Variants in KLHL6 observed in about 807,000 individuals in gnomAD.
KLHL6 encodes kelch like family member 6, also known as kelch-like protein 6.
A neutral mutation model predicts 58.6 loss-of-function variants in KLHL6; 41 were observed. The ratio of observed to expected loss-of-function variants is 0.70; its 90% confidence interval spans 0.55 to 0.91. The LOEUF is 0.91. Ranked by LOEUF, KLHL6 falls within the 40% of genes least tolerant of loss-of-function variation. The pLI is 0.00. For missense variants in KLHL6, 714 were observed against 805.6 expected, an observed-to-expected ratio of 0.89 and a Z score of 1.38; for synonymous variants, 338 against 322.7, an observed-to-expected ratio of 1.05 and a Z score of -0.51.
intron 5 of KLHL6, chr3:183,493,674 TG>T (rs1460903138): frequency 2.0e-4 from 38 of 187,284 alleles, no homozygotes; most frequent in Non-Finnish European, 1.1e-5. Flanking sequence ...CAAATCACTC[TG>T]GGTTCATAAA....
intron 3 of KLHL6, among the ~76,000 whole-genome samples, chr3:183,502,752 T>C (rs1366174501): frequency 6.6e-6 from 1 of 152,182 alleles, no homozygotes; most frequent in Non-Finnish European, 1.5e-5. Context: ...TGCAACTTCA[T>C]AAGAGACCCT....
At chr3:183,509,478 G>C (rs1050702420) in intron 2 of KLHL6, among the ~76,000 whole-genome samples, 15 of 152,292 alleles carry the variant, frequency 9.8e-5, no homozygotes, top group Middle Eastern at 3.4e-3. Flanking sequence ...AATATTAATG[G>C]TTGTTATCTC....
At chr3:183,553,853 G>A (rs1222383268) in intron 1 of KLHL6, among the ~76,000 whole-genome samples, 2 of 152,024 alleles carry the variant, frequency 1.3e-5, no homozygotes, top group Non-Finnish European at 2.9e-5. Context: ...GCACACAGCA[G>A]CCACTGCTTC....
intron 1 of KLHL6, among the ~76,000 whole-genome samples, chr3:183,540,706 A>G (rs553108287): frequency 5.9e-5 from 9 of 152,060 alleles, no homozygotes; most frequent in Admixed American, 2.0e-4. Flanking sequence ...ACCCGGCCCC[A>G]TTGATGATTA....
rs1560089497 is a variant in KLHL6, at chr3:183,492,588, G to C, written c.1470C>G (p.Asp490Glu). ...KLATDKTQCY[D>E]PSTNKWSLKA... ...TCAAACTCCACTTGTTGGTGGAAGGGTCATAACACTGAGTCTTGTCTGTGG... is the reference window on the plus strand; with the variant it reads ...TCAAACTCCACTTGTTGGTGGAAGGCTCATAACACTGAGTCTTGTCTGTGG... Residue 490 changes from aspartate (D) to glutamate (E), a missense_variant, in exon 6 of 7, where the codon GAC (aspartate) becomes GAG (glutamate). Around this residue, in one of 2 missense-constraint regions of KLHL6, gnomAD observed 510 missense variants for 629.7 expected, o/e 0.81. Transcript: ENST00000341319. The surrounding 1 kb of genome is among the most constrained non-coding windows in gnomAD (Gnocchi z 5.9). 1.2e-6 allele frequency: 2 copies of C among 1,614,216 alleles called. No individual in the cohort carries two copies. Among genetic ancestry groups the C allele is most frequent in the Admixed American group, 1.7e-5 (1 of 60,030 alleles).
At chr3:183,511,932 G>A (rs1376169019) in intron 2 of KLHL6, among the ~76,000 whole-genome samples, 1 of 152,136 alleles carries the variant, frequency 6.6e-6, no homozygotes, top group Admixed American at 6.5e-5. Flanking sequence ...CCTACACAAT[G>A]CAAAGTTGCA....
chr3:183,516,155 G>C (rs909891543), intron 2 of KLHL6, among the ~76,000 whole-genome samples: 1 of 152,134 alleles, frequency 6.6e-6, no homozygotes, highest in Admixed American at 6.5e-5. Flanking sequence ...AGAGGCAGGT[G>C]GGGGATCTCC....
chr3:183,496,867 G>A (rs1375341235), intron 4 of KLHL6, among the ~76,000 whole-genome samples: 2 of 152,252 alleles, frequency 1.3e-5, no homozygotes, highest in African/African-American at 2.4e-5. Context: ...GCTGGGCACA[G>A]TGGCTCGCAC....
rs1239841306 is a variant in KLHL6, at chr3:183,555,397, T to C, written c.257A>G (p.His86Arg). Residue 86 changes from histidine to arginine, a missense_variant, in exon 1 of 7, where the codon CAC (histidine) becomes CGC (arginine). This residue lies in a region of KLHL6 where 204 missense variants were observed against 175.9 expected (regional missense o/e 1.16). Coordinates refer to ENST00000341319, the MANE Select transcript of KLHL6 (RefSeq NM_130446.4). Reference sequence around the variant, plus strand: ...GCTGGCTGCGGCAAGCACCACGCGGTGGCAGGAGAATTCCTGAATGTCCAC... The same window carrying C: ...GCTGGCTGCGGCAAGCACCACGCGGCGGCAGGAGAATTCCTGAATGTCCAC... ...LCVDIQEFSC[H>R]RVVLAAASNY... 3 of 1,614,150 alleles carry C rather than the reference T, an allele frequency of 1.9e-6. No homozygotes were observed. The highest frequency in any genetic ancestry group is 1.3e-5 in the African/African-American group (1 of 75,034).
At chr3:183,549,590 C>T (rs1712841867) in intron 1 of KLHL6, among the ~76,000 whole-genome samples, 2 of 152,210 alleles carry the variant, frequency 1.3e-5, no homozygotes, top group South Asian at 4.1e-4. Flanking sequence ...CTCACTGCAA[C>T]CTCCGCCTCC....
At chr3:183,503,599 G>C (rs1461301397) in intron 3 of KLHL6, among the ~76,000 whole-genome samples, 2 of 152,152 alleles carry the variant, frequency 1.3e-5, no homozygotes, top group African/African-American at 4.8e-5. Flanking sequence ...GACCAACATG[G>C]AGGAACCCCG....
At chr3:183,534,967 CAG>C (rs1255963762) in intron 1 of KLHL6, among the ~76,000 whole-genome samples, 1 of 132,306 alleles carries the variant, frequency 7.6e-6, no homozygotes, top group Non-Finnish European at 1.5e-5. Flanking sequence ...TTTTTTGAGA[CAG>C]AGTCTCTCTC....
chr3:183,507,627 G>T (rs1577182108), intron 3 of KLHL6, among the ~76,000 whole-genome samples: 1 of 152,082 alleles, frequency 6.6e-6, no homozygotes, highest in African/African-American at 2.4e-5. Flanking sequence ...TAGAGACAGG[G>T]TTTCACCATG....
chr3:183,508,001 C>A (rs1379814653), intron 3 of KLHL6, 58 bp downstream of exon 3: 4 of 1,467,884 alleles, frequency 2.7e-6, no homozygotes, highest in Non-Finnish European at 2.8e-6. Flanking sequence ...TCTCTGTGAG[C>A]CCCTAGCTAA....
At chr3:183,514,149 T>A (rs965401005) in intron 2 of KLHL6, among the ~76,000 whole-genome samples, 1 of 152,226 alleles carries the variant, frequency 6.6e-6, no homozygotes, top group Non-Finnish European at 1.5e-5. Context: ...GCGCCTGCGC[T>A]CATTGAAGCC....
intron 1 of KLHL6, among the ~76,000 whole-genome samples, chr3:183,535,889 C>T (rs887568165): frequency 5.3e-5 from 8 of 152,236 alleles, no homozygotes; most frequent in Admixed American, 4.6e-4. Context: ...CATTCTCCTG[C>T]CTCAGCCTCC....
At chr3:183,510,639 C>A (rs538184432) in intron 2 of KLHL6, among the ~76,000 whole-genome samples, 1 of 152,228 alleles carries the variant, frequency 6.6e-6, no homozygotes, top group African/African-American at 2.4e-5. Flanking sequence ...CTTTGGGAGG[C>A]CGAGGCATGC....
chr3:183,492,972 G>GTT lies in KLHL6; in HGVS notation c.1351-266_1351-265insAA, dbSNP rs1717616614. ...CTCCCGGAATCCAGCTCTCAGGCAA[G>GTT]AATAAGTTTATACAGATGAAGTCAG... On this transcript the variant is annotated intron_variant, in intron 5 of 6. Coordinates refer to ENST00000341319, the MANE Select transcript of KLHL6 (RefSeq NM_130446.4). This position sits in a 1 kb window ranked among gnomAD's most constrained non-coding sequence, Gnocchi z 5.9. 5 of 470,884 alleles carry GTT rather than the reference G, an allele frequency of 1.1e-5. No homozygotes were observed. The highest frequency in any genetic ancestry group is 7.0e-5 in the Admixed American group (2 of 28,768). 29.2% of individuals were successfully genotyped at this position (470,884 alleles called of 1,614,324 possible). A position where few individuals can be genotyped will look rare whatever the true frequency, so the allele number is the denominator to read the frequency against.
chr3:183,501,911 T>C (rs1346978538), intron 3 of KLHL6, among the ~76,000 whole-genome samples: 1 of 152,202 alleles, frequency 6.6e-6, no homozygotes, highest in Non-Finnish European at 1.5e-5. Context: ...AGGCCCCTGA[T>C]GGCAGGAACA....
Sources: gnomAD v4.1 joint callset for allele counts (sites outside exome capture counted in the v4.1 genomes callset) on GRCh38, gnomAD v4.1.1 for gene constraint, gnomAD v4.1.1 regional missense constraint, Gnocchi (gnomAD v3.1) non-coding constraint, MANE v1.5 for transcripts, NCBI Gene and HGNC (gene_info 2026-07-23, HGNC 2026-07-21) for gene names.